The following CYP4F11 variants were observed in gnomAD, a reference collection of about 807,000 sequenced individuals.
CYP4F11 encodes cytochrome P450 4F11.
In CYP4F11, 79 loss-of-function variants were observed where a neutral mutation model predicts 62.2. The ratio of observed to expected loss-of-function variants is 1.27; its 90% CI spans 1.06 to 1.53. The LOEUF (loss-of-function observed/expected upper bound fraction) is 1.53. Ranked by LOEUF, CYP4F11 falls within the 40% of genes most tolerant of loss-of-function variation. The pLI is 0.00. For missense variants in CYP4F11, 777 were observed against 680.5 expected (o/e 1.14, Z -1.58); for synonymous variants, 290 against 263.7 (o/e 1.10, Z -0.97).
In CYP4F11 at chr19:15,922,098, C is replaced by T. The variant is rs777783408; in HGVS notation, c.1054G>A (p.Glu352Lys). Reference protein sequence around the residue: ...YHLAKHPEYQEQCRQEVQELL... With the variant: ...YHLAKHPEYQKQCRQEVQELL... The stretch of plus-strand genomic sequence containing the variant: ...TCTTGCACTTCTTGCCGGCACTGTT[C>T]CTGGTATTCTGGGTGCTTTGCAAGG... The change falls in exon 8 of 12, where the codon GAA (glutamate) becomes AAA (lysine). Residue 352 changes from glutamate (E) to lysine (K), a missense_variant. Coordinates refer to ENST00000402119, the MANE Select transcript of CYP4F11 (RefSeq NM_021187.4). 2 of 1,614,104 alleles carry T rather than the reference C, an allele frequency of 1.2e-6. No homozygotes were observed. The highest frequency in any genetic ancestry group is 1.7e-5 in the Admixed American group (1 of 60,014).
chr19:15,931,175 CA>C (rs1800676489), intron 1 of CYP4F11, among the ~76,000 whole-genome samples: 1 of 151,842 alleles, frequency 6.6e-6, no homozygotes, highest in East Asian at 1.9e-4. Flanking sequence ...AAGGTGCCTC[CA>C]GAAAAGGAGG....
intron 4 of CYP4F11, among the ~76,000 whole-genome samples, chr19:15,925,562 G>A (rs554595106): frequency 2.2e-4 from 33 of 151,900 alleles, no homozygotes; most frequent in Non-Finnish European, 4.1e-4. Context: ...AATACCTAGT[G>A]CATGTGGGGC....
At position 15,931,523 on chromosome 19, in the gene CYP4F11, A is replaced by G. The variant is rs114593894; in HGVS notation, c.199-1922T>C. Among the ~76,000 whole-genome samples the G allele has an allele frequency of 4.2e-3, 604 of 144,938 alleles. 18 individuals carry two copies. Among genetic ancestry groups the G allele is most frequent in the African/African-American group, 0.016 (571 of 36,478 alleles). On this transcript the variant is annotated intron_variant, in intron 1 of 11. Transcript: ENST00000402119. ...AGGTGAGAAAGACTTGGGATGGCAC[A>G]TCAGAGGAATGAGTGAGCGGGGAGA...
intron 4 of CYP4F11, 82 bp downstream of exon 4, chr19:15,927,130 A>G: frequency 6.6e-7 from 1 of 1,520,372 alleles, no homozygotes; most frequent in Non-Finnish European, 8.9e-7. Context: ...TCCCCAAAGC[A>G]CAACCAAAAT....
rs1220320165 is a variant in CYP4F11 at position 15,912,766 on chromosome 19, TGTGTGTATATATATATATATATA to T, written c.*943_*965del. On this transcript the variant is annotated 3_prime_UTR_variant, in exon 12 of 12. Coordinates refer to ENST00000402119, the MANE Select transcript of CYP4F11 (RefSeq NM_021187.4). ...ATATATGTGTGTGTGTGTGTGTGTG[TGTGTGTATATATATATATATATA>T]ATATATATATATATATACATATCTT... is the stretch of plus-strand genomic sequence containing the variant. 4 of 41,908 alleles carry T rather than the reference TGTGTGTATATATATATATATATA, an allele frequency of 9.5e-5. 1 individual carries two copies. The highest frequency in any genetic ancestry group is 4.7e-4 in the African/African-American group (4 of 8,458). The allele number at this position is 41,908 out of a possible 1,614,324, so 2.6% of individuals were successfully genotyped here.
chr19:15,919,961 A>G (rs184097883), intron 8 of CYP4F11, among the ~76,000 whole-genome samples: 1 of 152,294 alleles, frequency 6.6e-6, no homozygotes, highest in African/African-American at 2.4e-5. Context: ...CAAAGGGTAC[A>G]AGTTTCCATT....
At position 15,912,780 on chromosome 19, in the gene CYP4F11, TATATATATA is replaced by T. The variant is rs1208240451; in HGVS notation, c.*943_*951del. ...GTGTGTGTGTGTGTGTGTATATATA[TATATATATA>T]ATATATATATATATATACATATCTT... is the stretch of plus-strand genomic sequence containing the variant. On this transcript the variant is annotated 3_prime_UTR_variant, in exon 12 of 12. Coordinates refer to ENST00000402119, the MANE Select transcript of CYP4F11 (RefSeq NM_021187.4). 97 of 35,124 alleles carry T rather than the reference TATATATATA, an allele frequency of 2.8e-3. 5 individuals carry two copies. Among genetic ancestry groups the T allele is most frequent in the African/African-American group, 9.0e-3 (74 of 8,252 alleles). 2.2% of individuals were successfully genotyped at this position (35,124 alleles called of 1,614,324 possible).
At chr19:15,926,916 G>A (rs1000011714) in intron 4 of CYP4F11, among the ~76,000 whole-genome samples, 110 of 152,186 alleles carry the variant, frequency 7.2e-4, no homozygotes, top group African/African-American at 2.6e-3. Context: ...GTTTTCAGGC[G>A]GTTTGTACTC....
chr19:15,917,795 G>A (rs1473624562), intron 8 of CYP4F11, among the ~76,000 whole-genome samples: 1 of 152,086 alleles, frequency 6.6e-6, no homozygotes, highest in Non-Finnish European at 1.5e-5. Context: ...AAAAAAAATG[G>A]CAAGAGATGT....
intron 6 of CYP4F11, among the ~76,000 whole-genome samples, chr19:15,923,010 C>T (rs537065030): frequency 6.6e-6 from 1 of 152,200 alleles, no homozygotes; most frequent in African/African-American, 2.4e-5. Context: ...AAGATCACAC[C>T]ATTGCACTCC....
Position 15,914,052 on chromosome 19 carries a change from A to C in CYP4F11, c.1398-143T>G, listed in dbSNP as rs1053936032. ...GGGGATAAGTGTCCACAGGACTCCC[A>C]TGTGTGCTTGCATATCCCCCAAACC... On this transcript the variant is annotated intron_variant, in intron 11 of 11. Transcript: ENST00000402119. The C allele has an allele frequency of 3.4e-6, 4 of 1,164,084 alleles. No individual in the cohort carries two copies. In the African/African-American group the frequency reaches 6.2e-5, roughly 18 times the overall value. 72.1% of individuals were successfully genotyped at this position (1,164,084 alleles called of 1,614,324 possible). A position where few individuals can be genotyped will look rare whatever the true frequency, so the allele number is the denominator to read the frequency against.
Position 15,914,865 on chromosome 19 carries a change from G to A in CYP4F11, c.1146C>T (p.Thr382=). 6.2e-7 allele frequency: 1 copy of A among 1,614,124 alleles called. No individual in the cohort carries two copies. The change falls in exon 9 of 12, where the codon ACC becomes ACT. Residue 382 remains threonine, a synonymous_variant. Coordinates refer to ENST00000402119, the MANE Select transcript of CYP4F11 (RefSeq NM_021187.4). ...ACCGCAGGCTCTCCTTAATGCACAT[G>A]GTCAGGAAGGGCAGCTGGGCCAGGT... is the stretch of plus-strand genomic sequence containing the variant. ...WDDLAQLPFL[T]MCIKESLRLH... is the part of the protein sequence containing the mutation.
intron 2 of CYP4F11, chr19:15,927,901 A>C: frequency 5.4e-6 from 1 of 185,346 alleles, no homozygotes. Flanking sequence ...CAAAACACAT[A>C]TGACAAACCC....
chr19:15,925,003 T>C lies in CYP4F11; in HGVS notation c.526-121A>G, dbSNP rs137973702. The C allele has an allele frequency of 7.6e-6, 9 of 1,177,816 alleles. No individual in the cohort carries two copies. In the East Asian group the frequency reaches 2.8e-4, roughly 36 times the overall value. The allele number at this position is 1,177,816 out of a possible 1,614,324, so 73.0% of individuals were successfully genotyped here. On this transcript the variant is annotated intron_variant, in intron 4 of 11. Transcript: ENST00000402119. ...CCTGGTCCTCTGCCCCAGGTACCCA[T>C]CCCCAGGAAGGACCAGCCTTGGATA...
intron 1 of CYP4F11, among the ~76,000 whole-genome samples, chr19:15,930,068 T>C (rs1388873109): frequency 2.0e-5 from 3 of 151,726 alleles, no homozygotes; most frequent in Non-Finnish European, 4.4e-5. Context: ...TCTCTCTCTC[T>C]CTCTCTGTCT....
intron 6 of CYP4F11, 24 bp from the exon 7 acceptor site, chr19:15,922,454 C>A (rs867517429): frequency 6.2e-7 from 1 of 1,611,960 alleles, no homozygotes; most frequent in African/African-American, 1.3e-5. Context: ...AAGACAATAT[C>A]CCTGCCCCAA....
chr19:15,925,248 C>G (rs998101423), intron 4 of CYP4F11, among the ~76,000 whole-genome samples: 1 of 152,150 alleles, frequency 6.6e-6, no homozygotes, highest in African/African-American at 2.4e-5. Flanking sequence ...TCGTAGCTCA[C>G]TTACTATCTG....
intron 8 of CYP4F11, 21 bp downstream of exon 8, chr19:15,922,016 C>A: frequency 6.4e-7 from 1 of 1,553,256 alleles, no homozygotes; most frequent in Admixed American, 2.0e-5. Flanking sequence ...AGATCAGGAA[C>A]AGGCCAGCAC....
chr19:15,914,926 C>T, intron 8 of CYP4F11, 31 bp from the exon 9 acceptor site: 1 of 1,610,564 alleles, frequency 6.2e-7, no homozygotes, highest in East Asian at 2.2e-5. Context: ...CAATCATTAT[C>T]AAGGGAACAA....
Sources: gnomAD v4.1 joint callset for allele counts (sites outside exome capture counted in the v4.1 genomes callset) on GRCh38, gnomAD v4.1.1 for gene constraint, MANE v1.5 for transcripts, NCBI Gene and HGNC (gene_info 2026-07-23, HGNC 2026-07-21) for gene names.